ATF6: variants seen among roughly 807,000 people sequenced by gnomAD.
ATF6 encodes cyclic AMP-dependent transcription factor ATF-6 alpha.
Under a neutral mutation model 83.6 loss-of-function variants are expected in ATF6, and 53 were observed. The ratio of observed to expected loss-of-function variants is 0.63; its 90% CI spans 0.51 to 0.80. The LOEUF is 0.80. Ranked by LOEUF, ATF6 falls within the 30% of genes least tolerant of loss-of-function variation. ATF6 has a pLI of 0.00. For missense variants in ATF6, 744 were observed against 797.9 expected, an observed-to-expected ratio of 0.93 and a Z score of 0.81; for synonymous variants, 288 against 285.8, an observed-to-expected ratio of 1.01 and a Z score of -0.08.
At chr1:161,929,534 T>G (rs1164069222) in intron 15 of ATF6, among the ~76,000 whole-genome samples, 1 of 152,202 alleles carries the variant, frequency 6.6e-6, no homozygotes, top group Non-Finnish European at 1.5e-5. Flanking sequence ...GGAAATAAAT[T>G]ATCTGGTACT....
chr1:161,905,870 C>T (rs892182929), intron 14 of ATF6, among the ~76,000 whole-genome samples: 5 of 151,842 alleles, frequency 3.3e-5, no homozygotes, highest in Admixed American at 6.6e-5. Context: ...TTCGCCCTGT[C>T]GCCCAGGCTG....
intron 1 of ATF6, among the ~76,000 whole-genome samples, chr1:161,769,656 G>A (rs1028075763): frequency 6.6e-6 from 1 of 152,016 alleles, no homozygotes; most frequent in African/African-American, 2.4e-5. Flanking sequence ...TACAGAATTA[G>A]TGGGAGCCCT....
intron 9 of ATF6, chr1:161,840,483 A>G (rs1011755077): frequency 6.6e-6 from 1 of 152,188 alleles, no homozygotes; most frequent in African/African-American, 2.4e-5. Context: ...GATGGCTTGA[A>G]TTCAAAATTG....
At chr1:161,950,889 G>T (rs1203507266) in intron 15 of ATF6, among the ~76,000 whole-genome samples, 1 of 152,178 alleles carries the variant, frequency 6.6e-6, no homozygotes, top group African/African-American at 2.4e-5. Flanking sequence ...GGTGTTTCAA[G>T]AAGTGTTTGA....
chr1:161,792,271 T>C lies in ATF6; in HGVS notation c.632T>C (p.Leu211Pro). ...ATCATTATTCAGACAGTACCAACGC[T>C]TATGCCATTGGCAAAGCAGCAACCA... ...KTIIIQTVPTLMPLAKQQPII... is the reference protein window; with the variant it reads ...KTIIIQTVPTPMPLAKQQPII... The change falls in exon 6 of 16, where the codon CTT becomes CCT. Residue 211 changes from leucine (L) to proline (P), a missense_variant. Leu to Pro is a moderately conservative substitution (Grantham distance 98). Transcript: ENST00000367942. 1 of 1,614,142 alleles carries C rather than the reference T, an allele frequency of 6.2e-7. No individual in the cohort carries two copies. Among genetic ancestry groups the C allele is most frequent in the Non-Finnish European group, 8.5e-7 (1 of 1,180,012 alleles).
At chr1:161,821,204 T>C in intron 9 of ATF6, 43 bp downstream of exon 9, 4 of 1,323,362 alleles carry the variant, frequency 3.0e-6, no homozygotes, top group Non-Finnish European at 4.2e-6. Context: ...TGCTAAAAAC[T>C]TAAATTCTCA....
intron 14 of ATF6, among the ~76,000 whole-genome samples, chr1:161,890,543 C>T (rs1687526041): frequency 6.6e-6 from 1 of 152,226 alleles, no homozygotes; most frequent in East Asian, 1.9e-4. Context: ...CTTTCTTAAA[C>T]GACATTCTTT....
chr1:161,930,221 A>G (rs1471729422), intron 15 of ATF6, among the ~76,000 whole-genome samples: 2 of 152,224 alleles, frequency 1.3e-5, no homozygotes, highest in Non-Finnish European at 2.9e-5. Flanking sequence ...ACCCAAAATA[A>G]TTAAATCTCC....
chr1:161,865,655 T>C (rs1686981054), intron 14 of ATF6, among the ~76,000 whole-genome samples: 1 of 152,236 alleles, frequency 6.6e-6, no homozygotes, highest in South Asian at 2.1e-4. Flanking sequence ...TAGGACTGGC[T>C]CTCACACAAT....
At chr1:161,922,943 T>C (rs758600469) in intron 15 of ATF6, among the ~76,000 whole-genome samples, 10 of 152,166 alleles carry the variant, frequency 6.6e-5, no homozygotes, top group Admixed American at 2.6e-4. Context: ...TGATCTGATG[T>C]ACATGTAAAG....
In ATF6 at chr1:161,962,333, T is replaced by G. The variant is rs1306684026; in HGVS notation, c.*3679T>G. 1 of 152,164 alleles carries G rather than the reference T, an allele frequency of 6.6e-6. No individual in the cohort carries two copies. The highest frequency in any genetic ancestry group is 2.4e-5 in the African/African-American group (1 of 41,440). The allele number at this position is 152,164 out of a possible 1,614,324, so 9.4% of individuals were successfully genotyped here. A position where few individuals can be genotyped will look rare whatever the true frequency, so the allele number is the denominator to read the frequency against. On this transcript the variant is annotated 3_prime_UTR_variant, in exon 16 of 16. Coordinates refer to ENST00000367942, the MANE Select transcript of ATF6 (RefSeq NM_007348.4). The stretch of plus-strand genomic sequence containing the variant: ...TTAAAGAGACATCATCCTGACTAAA[T>G]CTTAGCCTGAACCTTCCTCCCCTGT...
In ATF6 at chr1:161,791,501, G is replaced by A; in HGVS notation, c.448G>A (p.Glu150Lys). 1 of 1,612,374 alleles carries A rather than the reference G, an allele frequency of 6.2e-7. No homozygotes were observed. Among genetic ancestry groups the A allele is most frequent in the South Asian group, 1.1e-5 (1 of 91,028 alleles). Residue 150 changes from glutamate to lysine, a missense_variant, in exon 5 of 16, where the codon GAA becomes AAA. Physicochemically the swap from Glu to Lys is moderately conservative, Grantham distance 56. Transcript: ENST00000367942. ...NSLSSAEPLK[E>K]DKPVTGPRNK... ...TCTCTCTTCAGCGGAGCCACTGAAG[G>A]AAGATAAGCCTGTCACTGGTCCTAG...
At chr1:161,930,186 T>G (rs1688403674) in intron 15 of ATF6, among the ~76,000 whole-genome samples, 1 of 152,256 alleles carries the variant, frequency 6.6e-6, no homozygotes, top group Non-Finnish European at 1.5e-5. Context: ...TGAGCTTATT[T>G]TTTGATGACA....
At chr1:161,863,354 C>A in intron 14 of ATF6, 42 bp downstream of exon 14, 1 of 1,288,302 alleles carries the variant, frequency 7.8e-7, no homozygotes, top group Non-Finnish European at 1.1e-6. Context: ...TTTTTGAGTG[C>A]TTGCCGTACA....
At chr1:161,946,774 A>G (rs1431930000) in intron 15 of ATF6, among the ~76,000 whole-genome samples, 1 of 152,256 alleles carries the variant, frequency 6.6e-6, no homozygotes, top group Admixed American at 6.5e-5. Context: ...AACCAACAAA[A>G]AATTGCTGAT....
chr1:161,790,646 C>G (rs1373649600), intron 4 of ATF6, among the ~76,000 whole-genome samples: 1 of 152,040 alleles, frequency 6.6e-6, no homozygotes, highest in Non-Finnish European at 1.5e-5. Flanking sequence ...CCCCTCTCTA[C>G]CAGAAATACA....
chr1:161,770,052 CCCT>C (rs1351707915), intron 1 of ATF6, among the ~76,000 whole-genome samples: 27 of 152,218 alleles, frequency 1.8e-4, no homozygotes, highest in African/African-American at 6.3e-4. Flanking sequence ...CCTAAAAAAG[CCCT>C]ATGCTCTACC....
At chr1:161,871,341 A>G (rs1254092032) in intron 14 of ATF6, among the ~76,000 whole-genome samples, 2 of 151,524 alleles carry the variant, frequency 1.3e-5, no homozygotes, top group Non-Finnish European at 3.0e-5. Flanking sequence ...AAAAGGCAGG[A>G]ATTAGGGTGG....
intron 14 of ATF6, chr1:161,891,483 G>A (rs1306963856): frequency 1.3e-5 from 2 of 152,318 alleles, no homozygotes; most frequent in Non-Finnish European, 2.9e-5. Context: ...GGCCAAGTTG[G>A]TATCCAAGAT....
Sources: allele counts gnomAD v4.1 joint callset (sites outside exome capture counted in the v4.1 genomes callset), GRCh38; gene constraint gnomAD v4.1.1; transcripts MANE v1.5; gene names NCBI Gene and HGNC (gene_info 2026-07-23, HGNC 2026-07-21).